Variants in CHURC1 observed in about 807,000 individuals in gnomAD.
CHURC1 encodes protein Churchill.
A neutral mutation model predicts 15.4 loss-of-function variants in CHURC1; 12 were observed. The observed-to-expected ratio is 0.78, with a 90% CI of 0.50 to 1.27. The LOEUF (loss-of-function observed/expected upper bound fraction) is 1.27. CHURC1 is among the 50% of genes most tolerant of loss of function. The pLI is 0.00. For synonymous variants in CHURC1, 42 were observed against 47.5 expected, an observed-to-expected ratio of 0.88 and a Z score of 0.48; for missense variants, 132 against 137.8, an observed-to-expected ratio of 0.96 and a Z score of 0.21.
At chr14:64,917,188 T>A (rs1332381160) in intron 1 of CHURC1, among the ~76,000 whole-genome samples, 1 of 152,082 alleles carries the variant, frequency 6.6e-6, no homozygotes, top group Non-Finnish European at 1.5e-5. Flanking sequence ...TCCCAGCACT[T>A]TGGGAGGCCA....
In CHURC1 at chr14:64,914,476, T is replaced by A; in HGVS notation, c.-20T>A. The A allele has an allele frequency of 6.2e-7, 1 of 1,614,242 alleles. No individual in the cohort carries two copies. The highest frequency in any genetic ancestry group is 8.5e-7 in the Non-Finnish European group (1 of 1,180,044). On this transcript the variant is annotated 5_prime_UTR_variant, in exon 1 of 4. Coordinates refer to ENST00000549115, the MANE Select transcript of CHURC1 (RefSeq NM_001386928.1). The stretch of plus-strand genomic sequence containing the variant: ...TCTTCCCGGAAGCGTTGGAGGACAT[T>A]CCCTGTTGACTGCGTCGCGATGTGT...
chr14:64,927,350 G>A (rs4902338), intron 3 of CHURC1, among the ~76,000 whole-genome samples: 40,246 of 151,990 alleles, frequency 0.26, 6,107 homozygotes, highest in African/African-American at 0.41. Flanking sequence ...AGTAGTGGCC[G>A]CATAGGGAGA....
intron 1 of CHURC1, among the ~76,000 whole-genome samples, chr14:64,920,552 A>G (rs1192177133): frequency 1.3e-5 from 2 of 152,322 alleles, no homozygotes; most frequent in East Asian, 1.9e-4. Flanking sequence ...TCCGCTTCTT[A>G]TATACTGTAC....
chr14:64,914,971 G>A (rs929844701), intron 1 of CHURC1, among the ~76,000 whole-genome samples: 1 of 152,216 alleles, frequency 6.6e-6, no homozygotes, highest in Non-Finnish European at 1.5e-5. Flanking sequence ...GAAATCACTT[G>A]CCCAAGTTCA....
chr14:64,934,724 C>G lies in CHURC1; in HGVS notation c.*2494C>G, dbSNP rs1338911403. The G allele has an allele frequency of 1.0e-6, 1 of 985,298 alleles. No homozygotes were observed. The highest frequency in any genetic ancestry group is 1.1e-4 in the East Asian group (1 of 8,828). The allele number at this position is 985,298 out of a possible 1,614,324, so 61.0% of individuals were successfully genotyped here. A position where few individuals can be genotyped will look rare whatever the true frequency, so the allele number is the denominator to read the frequency against. The stretch of plus-strand genomic sequence containing the variant: ...ATAGCAGCATTAAGCCCATTATAGC[C>G]TCTGAATTGTCCCTTCCTTGAGTTT... On this transcript the variant is annotated 3_prime_UTR_variant, in exon 4 of 4. Coordinates refer to ENST00000549115, the MANE Select transcript of CHURC1 (RefSeq NM_001386928.1).
chr14:64,925,918 C>T (rs1884665051), intron 2 of CHURC1, 92 bp from the exon 3 acceptor site: 8 of 913,660 alleles, frequency 8.8e-6, no homozygotes, highest in Admixed American at 2.6e-5. Flanking sequence ...TTAAGATTCT[C>T]TTTAAATAAT....
At chr14:64,927,897 C>G (rs1884833061) in intron 3 of CHURC1, among the ~76,000 whole-genome samples, 1 of 151,878 alleles carries the variant, frequency 6.6e-6, no homozygotes, top group Admixed American at 6.6e-5. Flanking sequence ...ATAGTGAGAC[C>G]CTGTCTCTAC....
In CHURC1 at chr14:64,933,381, T is replaced by C; in HGVS notation, c.*1151T>C. The C allele has an allele frequency of 1.0e-6, 1 of 985,538 alleles. No homozygotes were observed. Among genetic ancestry groups the C allele is most frequent in the Non-Finnish European group, 1.2e-6 (1 of 829,944 alleles). 61.0% of individuals were successfully genotyped at this position (985,538 alleles called of 1,614,324 possible). On this transcript the variant is annotated 3_prime_UTR_variant, in exon 4 of 4. Transcript: ENST00000549115. ...AATATAAATGAGAAAATGGTTTCAT[T>C]GGCTTTAAAGGGATTTTAGAATATC...
chr14:64,926,579 G>T (rs753982503), intron 3 of CHURC1, among the ~76,000 whole-genome samples: 4 of 152,196 alleles, frequency 2.6e-5, no homozygotes, highest in African/African-American at 9.7e-5. Flanking sequence ...GGGCTTTTAA[G>T]TGGTGTCCTG....
At position 64,932,443 on chromosome 14, in the gene CHURC1, G is replaced by T; in HGVS notation, c.*213G>T. 1 of 1,271,526 alleles carries T rather than the reference G, an allele frequency of 7.9e-7. No homozygotes were observed. The highest frequency in any genetic ancestry group is 1.0e-6 in the Non-Finnish European group (1 of 1,004,812). 78.8% of individuals were successfully genotyped at this position (1,271,526 alleles called of 1,614,324 possible). On this transcript the variant is annotated 3_prime_UTR_variant, in exon 4 of 4. Coordinates refer to ENST00000549115, the MANE Select transcript of CHURC1 (RefSeq NM_001386928.1). The stretch of plus-strand genomic sequence containing the variant: ...AAAGTTCAAAGTTCACATCAGTGTA[G>T]CCAGAGTGAAGCATCTTTGTTAGCA...
chr14:64,924,269 T>C, intron 2 of CHURC1, 143 bp downstream of exon 2: 1 of 932,414 alleles, frequency 1.1e-6, no homozygotes, highest in Non-Finnish European at 1.4e-6. Context: ...GAGGAAAATG[T>C]CATTAACACC....
intron 3 of CHURC1, among the ~76,000 whole-genome samples, chr14:64,926,356 C>G (rs936023593): frequency 6.6e-6 from 1 of 151,742 alleles, no homozygotes; most frequent in Non-Finnish European, 1.5e-5. Context: ...CCATGCCTTT[C>G]TTATATCTGT....
rs753096380 is a variant in CHURC1 at position 64,924,003 on chromosome 14, C to T, written c.52C>T (p.Leu18=). 2 of 1,561,674 alleles carry T rather than the reference C, an allele frequency of 1.3e-6. No individual in the cohort carries two copies. The highest frequency in any genetic ancestry group is 1.2e-5 in the South Asian group (1 of 81,172). The part of the protein sequence containing the change: ...KEYPNRGNTC[L]ENGSFLLNFT... ...TCTGATATTTTAGGGTAATACCTGC[C>T]TGGAGAATGGATCTTTCTTACTGAA... The change falls in exon 2 of 4, where the codon CTG becomes TTG. Residue 18 remains leucine, a synonymous_variant. Coordinates refer to ENST00000549115, the MANE Select transcript of CHURC1 (RefSeq NM_001386928.1).
intron 2 of CHURC1, 73 bp downstream of exon 2, chr14:64,924,199 A>G: frequency 6.8e-7 from 1 of 1,473,600 alleles, no homozygotes; most frequent in Non-Finnish European, 9.0e-7. Context: ...TGTTACACAA[A>G]ATATTCTGAG....
intron 1 of CHURC1, among the ~76,000 whole-genome samples, chr14:64,915,589 GA>G (rs997700555): frequency 1.2e-4 from 19 of 152,162 alleles, no homozygotes; most frequent in Middle Eastern, 3.2e-3. Context: ...GAAGGAGGGA[GA>G]AAGTCTCTGT....
At chr14:64,925,196 T>C (rs1158825108) in intron 2 of CHURC1, among the ~76,000 whole-genome samples, 2 of 152,200 alleles carry the variant, frequency 1.3e-5, no homozygotes, top group African/African-American at 4.8e-5. Context: ...ACTATCTACC[T>C]CATTGGGTTT....
At chr14:64,925,364 T>G (rs538703923) in intron 2 of CHURC1, among the ~76,000 whole-genome samples, 61 of 152,286 alleles carry the variant, frequency 4.0e-4, no homozygotes, top group African/African-American at 1.5e-3. Flanking sequence ...TAATGAAAGC[T>G]TTTACATAGT....
rs891592077 is a variant in CHURC1, at chr14:64,934,737, C to G, written c.*2507C>G. 1 of 985,292 alleles carries G rather than the reference C, an allele frequency of 1.0e-6. No homozygotes were observed. The highest frequency in any genetic ancestry group is 1.2e-6 in the Non-Finnish European group (1 of 829,936). 61.0% of individuals were successfully genotyped at this position (985,292 alleles called of 1,614,324 possible). Reference sequence around the variant, plus strand: ...GCCCATTATAGCCTCTGAATTGTCCCTTCCTTGAGTTTGCTAATGCTTCCA... The same window carrying G: ...GCCCATTATAGCCTCTGAATTGTCCGTTCCTTGAGTTTGCTAATGCTTCCA... On this transcript the variant is annotated 3_prime_UTR_variant, in exon 4 of 4. Transcript: ENST00000549115.
chr14:64,917,943 G>A (rs985261814), intron 1 of CHURC1, among the ~76,000 whole-genome samples: 4 of 152,288 alleles, frequency 2.6e-5, no homozygotes, highest in South Asian at 2.1e-4. Flanking sequence ...GAGAATATCC[G>A]AAGGGTCAAG....
Sources: gnomAD v4.1 joint callset for allele counts (sites outside exome capture counted in the v4.1 genomes callset) on GRCh38, gnomAD v4.1.1 for gene constraint, MANE v1.5 for transcripts, NCBI Gene and HGNC (gene_info 2026-07-23, HGNC 2026-07-21) for gene names.